RGS7: variants seen among roughly 807,000 people sequenced by gnomAD.
RGS7 encodes the protein regulator of G protein signaling 7, also known as regulator of G-protein signaling 7.
A neutral mutation model predicts 81.1 loss-of-function variants in RGS7; 27 were observed. The observed-to-expected ratio is 0.33, with a 90% CI of 0.25 to 0.46. The LOEUF (loss-of-function observed/expected upper bound fraction) is 0.46, where lower values mean the gene tolerates loss of function less well. Ranked by LOEUF, RGS7 falls within the 20% of genes least tolerant of loss-of-function variation. The pLI, the probability that RGS7 is intolerant of heterozygous loss-of-function variation, is 1.00. For synonymous variants in RGS7, 208 were observed against 207.7 expected, an observed-to-expected ratio of 1.00 and a Z score of -0.01; for missense variants, 396 against 607.4, an observed-to-expected ratio of 0.65 and a Z score of 3.66.
At chr1:241,048,102 G>A (rs1322729966) in intron 3 of RGS7, among the ~76,000 whole-genome samples, 6 of 151,094 alleles carry the variant, frequency 4.0e-5, no homozygotes, top group Non-Finnish European at 5.9e-5. Flanking sequence ...GCGGGGTCAC[G>A]GGCATTATTA....
At chr1:240,784,281 C>A (rs185433950) in intron 18 of RGS7, among the ~76,000 whole-genome samples, 42 of 152,110 alleles carry the variant, frequency 2.8e-4, no homozygotes, top group Admixed American at 9.8e-4. Context: ...AATAAAGGGG[C>A]AGATTTTTAA....
chr1:240,939,669 C>T (rs1039094843), intron 4 of RGS7, among the ~76,000 whole-genome samples: 3 of 152,140 alleles, frequency 2.0e-5, no homozygotes, highest in African/African-American at 7.2e-5. Context: ...CCTATCTCTT[C>T]CTATATGCAG....
At chr1:241,009,025 T>C (rs1035264079) in intron 3 of RGS7, among the ~76,000 whole-genome samples, 1 of 152,064 alleles carries the variant, frequency 6.6e-6, no homozygotes, top group Non-Finnish European at 1.5e-5. Context: ...GATTGGCCTT[T>C]ACTTTACTTA....
intron 2 of RGS7, among the ~76,000 whole-genome samples, chr1:241,355,010 AG>A (rs1176118845): frequency 6.6e-6 from 1 of 151,654 alleles, no homozygotes; most frequent in Non-Finnish European, 1.5e-5. Context: ...AGTGTCTAAA[AG>A]TTTGTTGCCA....
Position 240,891,168 on chromosome 1 carries a change from A to T in RGS7, c.386-21049T>A, listed in dbSNP as rs945937991. 3.3e-5 allele frequency among the ~76,000 whole-genome samples: 5 copies of T among 151,436 alleles called. No individual in the cohort carries two copies. The South Asian group carries it at 6.3e-4, about 19-fold the overall frequency. On this transcript the variant is annotated intron_variant, in intron 6 of 18. Transcript: ENST00000440928. ...CCTCTCTGAGCCAGATTCCTGAAAA[A>T]CAGGTAATTTAATTATTTTTTTCCA...
intron 2 of RGS7, among the ~76,000 whole-genome samples, chr1:241,158,449 A>G (rs1339459486): frequency 6.6e-6 from 1 of 152,230 alleles, no homozygotes; most frequent in African/African-American, 2.4e-5. Flanking sequence ...ACAATGATGT[A>G]GAGACCCCAC....
chr1:240,977,073 C>A (rs1250864518), intron 4 of RGS7, among the ~76,000 whole-genome samples: 1 of 145,656 alleles, frequency 6.9e-6, no homozygotes, highest in Non-Finnish European at 1.5e-5. Context: ...CATCATCTAT[C>A]ATCTATCTAT....
At chr1:240,890,923 C>A (rs12085786) in intron 6 of RGS7, among the ~76,000 whole-genome samples, 25 of 152,096 alleles carry the variant, frequency 1.6e-4, no homozygotes, top group African/African-American at 6.0e-4. Context: ...ATGGCAAGAA[C>A]CGCCATTCAT....
chr1:241,106,752 CCACACACACACACACACA>C (rs778017157), intron 2 of RGS7, among the ~76,000 whole-genome samples: 1 of 121,684 alleles, frequency 8.2e-6, no homozygotes, highest in South Asian at 2.5e-4. Context: ...AACACCACCA[CCACACACACACACACACA>C]CACACACACA....
At chr1:241,146,299 A>G (rs545287688) in intron 2 of RGS7, among the ~76,000 whole-genome samples, 1 of 152,366 alleles carries the variant, frequency 6.6e-6, no homozygotes, top group South Asian at 2.1e-4. Flanking sequence ...ATGAGGTATT[A>G]TAAGTAATCT....
At chr1:241,048,250 C>T (rs572876844) in intron 3 of RGS7, among the ~76,000 whole-genome samples, 11 of 152,140 alleles carry the variant, frequency 7.2e-5, no homozygotes, top group Non-Finnish European at 1.0e-4. Flanking sequence ...GTAAACCAGG[C>T]TCAGCCTCCC....
At chr1:241,166,048 CAAGCTCATGTCTGAG>C (rs931461441) in intron 2 of RGS7, among the ~76,000 whole-genome samples, 8 of 152,176 alleles carry the variant, frequency 5.3e-5, no homozygotes, top group Admixed American at 1.3e-4. Context: ...GATTCCGATG[CAAGCTCATGTCTGAG>C]AAGCTCATGT....
chr1:241,055,502 A>C (rs1184650020), intron 3 of RGS7, among the ~76,000 whole-genome samples: 1 of 152,186 alleles, frequency 6.6e-6, no homozygotes, highest in Non-Finnish European at 1.5e-5. Context: ...CACAGAATTC[A>C]GGGAAACACT....
intron 6 of RGS7, among the ~76,000 whole-genome samples, chr1:240,927,307 C>T (rs1674623464): frequency 6.6e-6 from 1 of 152,130 alleles, no homozygotes; most frequent in Admixed American, 6.5e-5. Flanking sequence ...CCTTGTGATA[C>T]GCCCACCTCA....
chr1:240,804,724 A>G (rs971541457), intron 15 of RGS7, among the ~76,000 whole-genome samples: 1 of 152,216 alleles, frequency 6.6e-6, no homozygotes, highest in African/African-American at 2.4e-5. Flanking sequence ...CAGAGAAGTG[A>G]GCAGCAGGGC....
chr1:241,112,736 G>A (rs1318917961), intron 2 of RGS7, among the ~76,000 whole-genome samples: 2 of 152,134 alleles, frequency 1.3e-5, no homozygotes, highest in Non-Finnish European at 2.9e-5. Context: ...GTAAACTGTA[G>A]AAGGGCAAAA....
chr1:241,223,474 G>A (rs1206910520), intron 2 of RGS7, among the ~76,000 whole-genome samples: 1 of 152,128 alleles, frequency 6.6e-6, no homozygotes, highest in Non-Finnish European at 1.5e-5. Flanking sequence ...GAAGAAGATA[G>A]TAAAATTGTG....
intron 18 of RGS7, among the ~76,000 whole-genome samples, chr1:240,797,075 A>T (rs1687192969): frequency 6.6e-6 from 1 of 152,184 alleles, no homozygotes; most frequent in Admixed American, 6.5e-5. Flanking sequence ...TCCACTTCAC[A>T]CAAAGACAAA....
At chr1:241,074,433 A>G (rs1319352794) in intron 3 of RGS7, among the ~76,000 whole-genome samples, 1 of 152,226 alleles carries the variant, frequency 6.6e-6, no homozygotes, top group African/African-American at 2.4e-5. Flanking sequence ...CAATTACCAG[A>G]AACCCAAGTT....
Sources: allele counts gnomAD v4.1 joint callset (sites outside exome capture counted in the v4.1 genomes callset), GRCh38; gene constraint gnomAD v4.1.1; transcripts MANE v1.5; gene names NCBI Gene and HGNC (gene_info 2026-07-23, HGNC 2026-07-21).